CBX1: variants seen among roughly 807,000 people sequenced by gnomAD.
The protein encoded by CBX1 is chromobox protein homolog 1.
CBX1 carries 10 observed loss-of-function variants against 25.1 expected under a neutral mutation model. The ratio of observed to expected loss-of-function variants is 0.40; its 90% CI spans 0.25 to 0.68. The LOEUF (loss-of-function observed/expected upper bound fraction) is 0.68. CBX1 is among the 30% of genes least tolerant of loss of function. CBX1 has a pLI of 0.40. For missense variants in CBX1, 106 were observed against 218.5 expected (o/e 0.49, Z 3.25); for synonymous variants, 63 against 79.4 (o/e 0.79, Z 1.10).
chr17:48,097,535 T>C (rs898895983), intron 1 of CBX1, among the ~76,000 whole-genome samples: 5 of 150,288 alleles, frequency 3.3e-5, no homozygotes, highest in Non-Finnish European at 7.4e-5. Context: ...GAGGATCGCT[T>C]GAACCTGGGA....
At chr17:48,086,415 T>A (rs1460642252) in intron 1 of CBX1, among the ~76,000 whole-genome samples, 1 of 152,198 alleles carries the variant, frequency 6.6e-6, no homozygotes, top group Non-Finnish European at 1.5e-5. Context: ...ACATGAACTA[T>A]GAAGTGCTAT....
At chr17:48,090,944 T>C (rs759142582) in intron 1 of CBX1, among the ~76,000 whole-genome samples, 3 of 152,246 alleles carry the variant, frequency 2.0e-5, no homozygotes, top group Non-Finnish European at 2.9e-5. Context: ...GTGAGCACTA[T>C]TGAGTGTGTG....
At chr17:48,096,752 T>C (rs2063377554) in intron 1 of CBX1, among the ~76,000 whole-genome samples, 1 of 151,740 alleles carries the variant, frequency 6.6e-6, no homozygotes, top group Non-Finnish European at 1.5e-5. Flanking sequence ...CACTCCAGCC[T>C]GGGTGACAGA....
At chr17:48,075,195 C>CTATTTTTTTTTTTT (rs199539567) in intron 3 of CBX1, 95 bp from the exon 4 acceptor site, 1 of 724,048 alleles carries the variant, frequency 1.4e-6, no homozygotes, top group African/African-American at 2.0e-5. Flanking sequence ...TAATCACAAA[C>CTATTTTTTTTTTTT]TCTTTTTTTT....
intron 1 of CBX1, among the ~76,000 whole-genome samples, chr17:48,087,850 G>C (rs1026031292): frequency 6.1e-5 from 8 of 130,660 alleles, no homozygotes; most frequent in Non-Finnish European, 1.1e-4. Flanking sequence ...CCAGAGCCTG[G>C]CAACAGAGCG....
At chr17:48,074,958 A>T in intron 4 of CBX1, 48 bp downstream of exon 4, 1 of 1,295,762 alleles carries the variant, frequency 7.7e-7, no homozygotes, top group Admixed American at 1.7e-5. Flanking sequence ...GCATGAAACC[A>T]ATGGGAGAAG....
rs1408505956 is a variant in CBX1 at position 48,075,059 on chromosome 17, C to A, written c.360G>T (p.Glu120Asp). 5 of 1,614,070 alleles carry A rather than the reference C, an allele frequency of 3.1e-6. No individual in the cohort carries two copies. Among genetic ancestry groups the A allele is most frequent in the African/African-American group, 1.3e-5 (1 of 74,938 alleles). The change falls in exon 4 of 5, where the codon GAG becomes GAT. Residue 120 changes from glutamate (E) to aspartate (D), a missense_variant. Coordinates refer to ENST00000225603, the MANE Select transcript of CBX1 (RefSeq NM_001127228.2). ...PRGFARGLEP[E>D]RIIGATDSSG... Reference sequence around the variant, plus strand: ...TGGAGTCTGTAGCTCCAATAATCCGCTCCGGCTCCAAACCTCGAGCAAAGC... The same window carrying A: ...TGGAGTCTGTAGCTCCAATAATCCGATCCGGCTCCAAACCTCGAGCAAAGC...
intron 1 of CBX1, among the ~76,000 whole-genome samples, chr17:48,087,660 T>C (rs549869395): frequency 8.8e-4 from 134 of 151,658 alleles, no homozygotes; most frequent in Middle Eastern, 3.4e-3. Flanking sequence ...GATCACTAGG[T>C]CATGAGATCG....
intron 1 of CBX1, among the ~76,000 whole-genome samples, chr17:48,093,645 T>C (rs1412126658): frequency 1.3e-5 from 2 of 152,202 alleles, no homozygotes; most frequent in Admixed American, 1.3e-4. Context: ...TTTCCTCCCA[T>C]TTAAAACAAA....
At chr17:48,075,138 T>G (rs1190089456) in intron 3 of CBX1, 38 bp from the exon 4 acceptor site, 1 of 1,304,068 alleles carries the variant, frequency 7.7e-7, no homozygotes, top group Non-Finnish European at 1.1e-6. Flanking sequence ...TTTATCTATA[T>G]GGGACTATTA....
intron 1 of CBX1, among the ~76,000 whole-genome samples, chr17:48,083,178 AT>A (rs1407849267): frequency 6.8e-6 from 1 of 146,364 alleles, no homozygotes; most frequent in Non-Finnish European, 1.5e-5. Flanking sequence ...ATTTTTATTT[AT>A]TTATTTATTT....
chr17:48,100,999 G>T, intron 1 of CBX1: 1 of 985,854 alleles, frequency 1.0e-6, no homozygotes, highest in Non-Finnish European at 1.2e-6. Flanking sequence ...CCCGAAGAGC[G>T]GCCCCCAAGT....
At chr17:48,080,916 T>A (rs1598307025) in intron 1 of CBX1, among the ~76,000 whole-genome samples, 1 of 30,620 alleles carries the variant, frequency 3.3e-5, no homozygotes, top group African/African-American at 1.2e-4. Flanking sequence ...CGAGACTCCA[T>A]CTCAAAAAAA....
chr17:48,074,077 G>A (rs995542487), intron 4 of CBX1, among the ~76,000 whole-genome samples: 3 of 152,158 alleles, frequency 2.0e-5, no homozygotes, highest in Non-Finnish European at 4.4e-5. Flanking sequence ...ATACATAGAA[G>A]AGAATAGGTT....
intron 1 of CBX1, among the ~76,000 whole-genome samples, chr17:48,093,617 GA>G (rs2063356410): frequency 6.6e-6 from 1 of 152,156 alleles, no homozygotes; most frequent in South Asian, 2.1e-4. Flanking sequence ...GACTGAATAG[GA>G]AATATTTTCT....
chr17:48,077,343 C>T (rs988453788), intron 1 of CBX1, among the ~76,000 whole-genome samples: 2 of 151,656 alleles, frequency 1.3e-5, no homozygotes, highest in East Asian at 3.9e-4. Flanking sequence ...CTGCAACCTC[C>T]GCCTCCTGGG....
At chr17:48,088,567 C>T (rs1003830477) in intron 1 of CBX1, 7 of 152,072 alleles carry the variant, frequency 4.6e-5, no homozygotes, top group African/African-American at 1.7e-4. Context: ...TGCAGTGAGC[C>T]AAGATCACGC....
chr17:48,075,792 G>A (rs2037669799), intron 3 of CBX1, among the ~76,000 whole-genome samples: 1 of 152,152 alleles, frequency 6.6e-6, no homozygotes, highest in Non-Finnish European at 1.5e-5. Context: ...TCCCCAGCAA[G>A]TTTTCCATTT....
intron 1 of CBX1, among the ~76,000 whole-genome samples, chr17:48,078,229 T>C (rs1037776229): frequency 2.6e-5 from 4 of 151,932 alleles, no homozygotes; most frequent in African/African-American, 7.3e-5. Flanking sequence ...AGTCTTGCTC[T>C]GCCCCCAGGC....
Sources: gnomAD v4.1 joint callset for allele counts (sites outside exome capture counted in the v4.1 genomes callset) on GRCh38, gnomAD v4.1.1 for gene constraint, MANE v1.5 for transcripts, NCBI Gene and HGNC (gene_info 2026-07-23, HGNC 2026-07-21) for gene names.